PPP2R2B: variants seen among roughly 807,000 people sequenced by gnomAD.
PPP2R2B encodes the protein serine/threonine-protein phosphatase 2A 55 kDa regulatory subunit B beta isoform.
A neutral mutation model predicts 46.0 loss-of-function variants in PPP2R2B; 5 were observed. The ratio of observed to expected loss-of-function variants is 0.11; its 90% confidence interval spans 0.06 to 0.23. The LOEUF (loss-of-function observed/expected upper bound fraction) is 0.23. PPP2R2B is among the 10% of genes least tolerant of loss of function. The pLI is 1.00. For missense variants in PPP2R2B, 367 were observed against 575.0 expected (o/e 0.64, Z 3.70); for synonymous variants, 215 against 206.7 (o/e 1.04, Z -0.34).
intron 5 of PPP2R2B, among the ~76,000 whole-genome samples, chr5:146,671,912 G>A (rs896995761): frequency 6.6e-6 from 1 of 152,100 alleles, no homozygotes; most frequent in Non-Finnish European, 1.5e-5. Flanking sequence ...TCGGGGACAG[G>A]TACAGATGGG....
At chr5:146,642,620 C>G (rs1775293875) in intron 6 of PPP2R2B, among the ~76,000 whole-genome samples, 1 of 152,128 alleles carries the variant, frequency 6.6e-6, no homozygotes, top group Non-Finnish European at 1.5e-5. Flanking sequence ...AACTTATACT[C>G]TGAAAATGAT....
At chr5:146,977,544 G>A (rs1339185677) in intron 1 of PPP2R2B, among the ~76,000 whole-genome samples, 1 of 152,028 alleles carries the variant, frequency 6.6e-6, no homozygotes, top group African/African-American at 2.4e-5. Context: ...CCCACCAATA[G>A]GCCCTGGTGT....
intron 1 of PPP2R2B, among the ~76,000 whole-genome samples, chr5:146,932,802 T>A (rs1764010951): frequency 6.6e-6 from 1 of 152,040 alleles, no homozygotes; most frequent in Non-Finnish European, 1.5e-5. Flanking sequence ...ATAAACAAGG[T>A]CAAAGAGCAG....
At chr5:146,618,277 G>A (rs1773385509) in intron 7 of PPP2R2B, among the ~76,000 whole-genome samples, 1 of 152,128 alleles carries the variant, frequency 6.6e-6, no homozygotes, top group Non-Finnish European at 1.5e-5. Context: ...CTTTGAAGAT[G>A]GAAAGGTGCC....
chr5:146,702,777 C>A (rs1200909629), intron 2 of PPP2R2B, among the ~76,000 whole-genome samples: 1 of 152,216 alleles, frequency 6.6e-6, no homozygotes, highest in East Asian at 1.9e-4. Context: ...ACAGAGTCTT[C>A]ATTTGGAATA....
At chr5:146,930,330 A>T (rs934427624) in intron 1 of PPP2R2B, among the ~76,000 whole-genome samples, 2 of 152,212 alleles carry the variant, frequency 1.3e-5, no homozygotes, top group Non-Finnish European at 2.9e-5. Flanking sequence ...TCAGGATTAG[A>T]TAAAAAGTCC....
At chr5:146,853,297 C>A (rs1336698863) in intron 2 of PPP2R2B, among the ~76,000 whole-genome samples, 1 of 152,048 alleles carries the variant, frequency 6.6e-6, no homozygotes, top group Non-Finnish European at 1.5e-5. Context: ...GTGATTCATG[C>A]CCCAGTTTAA....
At chr5:147,041,698 G>A (rs1321276778) in intron 1 of PPP2R2B, among the ~76,000 whole-genome samples, 1 of 152,072 alleles carries the variant, frequency 6.6e-6, no homozygotes, top group Non-Finnish European at 1.5e-5. Flanking sequence ...CAGAGCTTTA[G>A]GGGGGCTGTA....
intron 7 of PPP2R2B, among the ~76,000 whole-genome samples, chr5:146,624,151 A>G (rs548922614): frequency 6.6e-6 from 1 of 152,338 alleles, no homozygotes; most frequent in South Asian, 2.1e-4. Context: ...AGATACTGCA[A>G]ACTTACTGGG....
At chr5:146,608,383 A>C (rs1772510664) in intron 7 of PPP2R2B, among the ~76,000 whole-genome samples, 1 of 152,254 alleles carries the variant, frequency 6.6e-6, no homozygotes, top group African/African-American at 2.4e-5. Context: ...CATCATCTCC[A>C]GGTTGGATTG....
rs562606040 is a variant in PPP2R2B, at chr5:146,983,677, C to G, written c.79+71988G>C. ...CTTCTCTTCTACATAAATTTAGAAC[C>G]TCATCAGACATTGTCATAATTTTTG... On this transcript the variant is annotated intron_variant, in intron 1 of 8. Coordinates refer to the PPP2R2B transcript ENST00000336640. 3.9e-5 allele frequency among the ~76,000 whole-genome samples: 6 copies of G among 152,212 alleles called. No individual in the cohort carries two copies. The South Asian group carries it at 1.2e-3, about 32-fold the overall frequency.
chr5:146,672,565 C>G (rs1777438572), intron 5 of PPP2R2B, among the ~76,000 whole-genome samples: 1 of 152,144 alleles, frequency 6.6e-6, no homozygotes, highest in Non-Finnish European at 1.5e-5. Flanking sequence ...TTCGCATGTA[C>G]CAGATTAAAG....
At chr5:146,703,705 C>A (rs1199235474) in intron 2 of PPP2R2B, among the ~76,000 whole-genome samples, 2 of 152,144 alleles carry the variant, frequency 1.3e-5, no homozygotes, top group African/African-American at 4.8e-5. Context: ...AAGACCCATG[C>A]AAGTCAAAAC....
intron 1 of PPP2R2B, among the ~76,000 whole-genome samples, chr5:146,952,927 GA>G (rs1751690283): frequency 6.6e-6 from 1 of 152,194 alleles, no homozygotes; most frequent in Non-Finnish European, 1.5e-5. Context: ...TAATAAGTGA[GA>G]GGGGTAGGGG....
At chr5:146,824,664 CTG>C (rs761896428) in intron 2 of PPP2R2B, among the ~76,000 whole-genome samples, 2 of 151,806 alleles carry the variant, frequency 1.3e-5, no homozygotes, top group Non-Finnish European at 2.9e-5. Flanking sequence ...AGAAAGAAAA[CTG>C]TATGAAAACT....
At chr5:146,675,307 T>G (rs928311772) in intron 5 of PPP2R2B, among the ~76,000 whole-genome samples, 12 of 152,210 alleles carry the variant, frequency 7.9e-5, no homozygotes, top group African/African-American at 2.9e-4. Context: ...AATCTGAGTA[T>G]TGCCCAAACA....
intron 2 of PPP2R2B, among the ~76,000 whole-genome samples, chr5:146,731,703 G>A (rs185145537): frequency 1.3e-5 from 2 of 152,268 alleles, no homozygotes; most frequent in East Asian, 1.9e-4. Context: ...TCATGAAGGA[G>A]GTGTGCAGAT....
intron 5 of PPP2R2B, among the ~76,000 whole-genome samples, chr5:146,690,212 G>A (rs1384295752): frequency 1.3e-5 from 2 of 152,192 alleles, no homozygotes; most frequent in African/African-American, 2.4e-5. Context: ...ATCCCAACAT[G>A]TGCCTGCTTT....
chr5:147,038,502 T>A (rs986433686), intron 1 of PPP2R2B, among the ~76,000 whole-genome samples: 3 of 152,184 alleles, frequency 2.0e-5, no homozygotes, highest in African/African-American at 7.2e-5. Context: ...ATTATAAAGT[T>A]CTTGGGAAAC....
Sources: allele counts gnomAD v4.1 joint callset (sites outside exome capture counted in the v4.1 genomes callset), GRCh38; gene constraint gnomAD v4.1.1; transcripts MANE v1.5; gene names NCBI Gene and HGNC (gene_info 2026-07-23, HGNC 2026-07-21).